NRXN3: variants seen among roughly 807,000 people sequenced by gnomAD.
NRXN3 encodes neurexin III.
In NRXN3, 32 loss-of-function variants were observed where a neutral mutation model predicts 137.6. That is an observed-to-expected ratio of 0.23 (90% CI 0.18 to 0.31). The LOEUF (loss-of-function observed/expected upper bound fraction) is 0.31. Among genes scored for constraint, NRXN3 ranks in the 10% least tolerant of loss-of-function variants. The pLI is 1.00. For missense variants in NRXN3, 1,574 were observed against 2,062.5 expected (o/e 0.76, Z 4.59); for synonymous variants, 798 against 784.5 (o/e 1.02, Z -0.29).
intron 15 of NRXN3, among the ~76,000 whole-genome samples, chr14:79,075,395 A>C (rs1177063501): frequency 6.6e-6 from 1 of 152,204 alleles, no homozygotes; most frequent in Non-Finnish European, 1.5e-5. Flanking sequence ...AACTTATTGA[A>C]GGCAGTAGGA....
Position 78,398,083 on chromosome 14 carries a change from G to A in NRXN3, c.757+100223G>A, listed in dbSNP as rs2091675947. ...TACAAAATTAGCTGGGCATGGTGGT[G>A]CGTCCCTGTAATCCTAGCTACTCGG... On this transcript the variant is annotated intron_variant, in intron 4 of 20. Coordinates refer to ENST00000335750, the MANE Select transcript of NRXN3 (RefSeq NM_001330195.2). 3.3e-5 allele frequency among the ~76,000 whole-genome samples: 5 copies of A among 151,472 alleles called. No individual in the cohort carries two copies. In the South Asian group the frequency reaches 8.4e-4, roughly 25 times the overall value.
At position 78,195,583 on chromosome 14, in the gene NRXN3, A is replaced by G. The variant is rs146490674; in HGVS notation, c.-704+24909A>G. On this transcript the variant is annotated intron_variant, in intron 1 of 20. Coordinates refer to ENST00000335750, the MANE Select transcript of NRXN3 (RefSeq NM_001330195.2). The stretch of plus-strand genomic sequence containing the variant: ...AGGTGCGGGGACAGCCCATCTGGGG[A>G]GATGACATCTGAGCTAAGACTTGAG... Among the ~76,000 whole-genome samples, 14 of 152,306 alleles carry G rather than the reference A, an allele frequency of 9.2e-5. No homozygotes were observed. The East Asian group carries it at 2.3e-3, about 25-fold the overall frequency.
intron 4 of NRXN3, among the ~76,000 whole-genome samples, chr14:78,386,660 G>C (rs2090013377): frequency 6.6e-6 from 1 of 152,220 alleles, no homozygotes; most frequent in South Asian, 2.1e-4. Flanking sequence ...AGTGACCTAT[G>C]TCACAAAGCT....
Position 78,354,080 on chromosome 14 carries a change from G to A in NRXN3, c.757+56220G>A, listed in dbSNP as rs527604242. On this transcript the variant is annotated intron_variant, in intron 4 of 20. Coordinates refer to ENST00000335750, the MANE Select transcript of NRXN3 (RefSeq NM_001330195.2). The stretch of plus-strand genomic sequence containing the variant: ...TGTAGCTTTAGGTTCTTTTGTTGCC[G>A]TCTAATAGATTTGCCCAAAAGGAAA... 2.3e-4 allele frequency among the ~76,000 whole-genome samples: 35 copies of A among 152,156 alleles called. 1 individual carries two copies. The highest frequency in any genetic ancestry group is 7.2e-4 in the African/African-American group (30 of 41,508).
chr14:79,433,710 G>A (rs1268204992), intron 15 of NRXN3, among the ~76,000 whole-genome samples: 1 of 152,128 alleles, frequency 6.6e-6, no homozygotes, highest in African/African-American at 2.4e-5. Context: ...TTTAATACCT[G>A]GCAACATTTC....
chr14:79,433,723 A>G (rs865815736), intron 15 of NRXN3, among the ~76,000 whole-genome samples: 11 of 152,246 alleles, frequency 7.2e-5, no homozygotes, highest in African/African-American at 2.2e-4. Flanking sequence ...AACATTTCAT[A>G]GATGATAACA....
At chr14:78,238,139 G>GCCCCCCCCC (rs111555461) in intron 1 of NRXN3, among the ~76,000 whole-genome samples, 2 of 145,472 alleles carry the variant, frequency 1.4e-5, no homozygotes, top group African/African-American at 2.6e-5. Flanking sequence ...AGTTGTGTGA[G>GCCCCCCCCC]CCCCCCCCAC....
intron 1 of NRXN3, among the ~76,000 whole-genome samples, chr14:78,170,941 A>ATCT (rs1464661706): frequency 7.4e-4 from 91 of 122,944 alleles, no homozygotes; most frequent in Non-Finnish European, 1.1e-3. Flanking sequence ...TTAGATTTTT[A>ATCT]TCTTCTTCTT....
At chr14:78,540,022 C>A (rs1043403254) in intron 4 of NRXN3, among the ~76,000 whole-genome samples, 1 of 151,990 alleles carries the variant, frequency 6.6e-6, no homozygotes, top group Non-Finnish European at 1.5e-5. Context: ...GTGCTTTACT[C>A]CCAATTATGT....
chr14:78,320,543 G>A (rs1406451109), intron 4 of NRXN3, among the ~76,000 whole-genome samples: 3 of 152,144 alleles, frequency 2.0e-5, no homozygotes, highest in Non-Finnish European at 4.4e-5. Context: ...AGAAGGATGT[G>A]AATATTTACC....
rs113114814 is a variant in NRXN3, at chr14:79,283,725, G to A, written c.3263-183496G>A. On this transcript the variant is annotated intron_variant, in intron 15 of 20. Coordinates refer to ENST00000335750, the MANE Select transcript of NRXN3 (RefSeq NM_001330195.2). ...GTAGGCTCTTCCCCATTCTGTTAGAGTCCTCACCCCACTTTCATGCTCTCT... is the reference window on the plus strand; with the variant it reads ...GTAGGCTCTTCCCCATTCTGTTAGAATCCTCACCCCACTTTCATGCTCTCT... Among the ~76,000 whole-genome samples the A allele has an allele frequency of 1.9e-3, 290 of 151,712 alleles. 1 individual carries two copies. Among genetic ancestry groups the A allele is most frequent in the African/African-American group, 6.5e-3 (270 of 41,306 alleles).
At chr14:79,272,938 C>A (rs545525944) in intron 15 of NRXN3, among the ~76,000 whole-genome samples, 1 of 151,950 alleles carries the variant, frequency 6.6e-6, no homozygotes, top group East Asian at 1.9e-4. Context: ...TTTGGGAGGC[C>A]AAGACGAGCG....
chr14:79,734,113 C>T (rs1325450908), intron 19 of NRXN3, among the ~76,000 whole-genome samples: 3 of 152,168 alleles, frequency 2.0e-5, no homozygotes, highest in African/African-American at 7.2e-5. Context: ...TCATGGTCTG[C>T]ACCTCCCCCA....
chr14:79,502,014 C>A (rs2153673798), intron 16 of NRXN3, among the ~76,000 whole-genome samples: 1 of 152,274 alleles, frequency 6.6e-6, no homozygotes, highest in East Asian at 1.9e-4. Flanking sequence ...CTGATTCTTA[C>A]ATTTGGAGAT....
intron 2 of NRXN3, among the ~76,000 whole-genome samples, chr14:78,254,528 A>C (rs2069181080): frequency 6.6e-6 from 1 of 152,042 alleles, no homozygotes; most frequent in Admixed American, 6.6e-5. Flanking sequence ...AAAATACAAA[A>C]ATTAGCTGAG....
intron 17 of NRXN3, among the ~76,000 whole-genome samples, chr14:79,667,290 C>T (rs563312872): frequency 1.0e-3 from 157 of 152,080 alleles, no homozygotes; most frequent in African/African-American, 3.7e-3. Context: ...TTTAGTCTCA[C>T]TACTCACTTA....
intron 4 of NRXN3, among the ~76,000 whole-genome samples, chr14:78,603,564 GTTAAAC>G (rs1486553899): frequency 1.3e-5 from 2 of 152,196 alleles, no homozygotes; most frequent in Non-Finnish European, 2.9e-5. Context: ...CACTTGGCAT[GTTAAAC>G]TTAATTATAT....
intron 4 of NRXN3, among the ~76,000 whole-genome samples, chr14:78,541,761 CCTTTGGT>C (rs2096591702): frequency 6.6e-6 from 1 of 152,160 alleles, no homozygotes; most frequent in South Asian, 2.1e-4. Flanking sequence ...TTTCATCCCA[CCTTTGGT>C]CTTTGATGTT....
chr14:79,450,053 T>C (rs907373888), intron 15 of NRXN3, among the ~76,000 whole-genome samples: 4 of 151,324 alleles, frequency 2.6e-5, no homozygotes, highest in Non-Finnish European at 5.9e-5. Flanking sequence ...CCTGCATGCA[T>C]TTCTTGTCAT....
Sources: gnomAD v4.1 joint callset for allele counts (sites outside exome capture counted in the v4.1 genomes callset) on GRCh38, gnomAD v4.1.1 for gene constraint, MANE v1.5 for transcripts, NCBI Gene and HGNC (gene_info 2026-07-23, HGNC 2026-07-21) for gene names.